QRSL1: variants seen among roughly 807,000 people sequenced by gnomAD.
QRSL1 encodes glutamyl-tRNA(Gln) amidotransferase subunit A, mitochondrial.
QRSL1 carries 54 observed loss-of-function variants against 61.6 expected under a neutral mutation model. That is an observed-to-expected ratio of 0.88 (90% CI 0.70 to 1.10). QRSL1 has a LOEUF of 1.10. QRSL1 is among the 50% of genes least tolerant of loss of function. The pLI, the probability that QRSL1 is intolerant of heterozygous loss-of-function variation, is 0.00. For missense variants in QRSL1, 505 were observed against 622.6 expected (o/e 0.81, Z 2.01); for synonymous variants, 228 against 225.7 (o/e 1.01, Z -0.09).
At position 106,667,623 on chromosome 6, in the gene QRSL1, G is replaced by C. The variant is rs1053317319; in HGVS notation, c.*1621G>C. The C allele has an allele frequency of 6.6e-6, 1 of 152,036 alleles. No homozygotes were observed. Among genetic ancestry groups the C allele is most frequent in the African/African-American group, 2.4e-5 (1 of 41,388 alleles). The allele number at this position is 152,036 out of a possible 1,614,324, so 9.4% of individuals were successfully genotyped here. A position where few individuals can be genotyped will look rare whatever the true frequency, so the allele number is the denominator to read the frequency against. On this transcript the variant is annotated 3_prime_UTR_variant, in exon 11 of 11. Transcript: ENST00000369046. ...TGCAGAACCACTGGAATGTTTCATC[G>C]TCACCTGTTAGTTTTCATAAACAGT...
intron 4 of QRSL1, among the ~76,000 whole-genome samples, chr6:106,647,460 C>T (rs969402964): frequency 6.7e-6 from 1 of 148,816 alleles, no homozygotes; most frequent in Admixed American, 6.7e-5. Context: ...ATGAGAATCG[C>T]TTGAACCTGG....
chr6:106,643,604 CG>C (rs1248346746), intron 4 of QRSL1, among the ~76,000 whole-genome samples: 2 of 151,136 alleles, frequency 1.3e-5, no homozygotes, highest in Non-Finnish European at 2.9e-5. Context: ...CGCTTGAACC[CG>C]GGAGGCGGAG....
In QRSL1 at chr6:106,654,907, G is replaced by C; in HGVS notation, c.1027G>C (p.Asp343His). 6.2e-7 allele frequency: 1 copy of C among 1,604,288 alleles called. No homozygotes were observed. The highest frequency in any genetic ancestry group is 8.5e-7 in the Non-Finnish European group (1 of 1,175,976). Residue 343 changes from aspartate to histidine, a missense_variant, in exon 8 of 11, where the codon GAT (aspartate) becomes CAT (histidine). Asp to His is a moderately conservative substitution (Grantham distance 81, BLOSUM62 -1). Transcript: ENST00000369046. ...SEVASNMARF[D>H]GLQYGHRCDI... ...AGTGGCATCGAATATGGCAAGATTT[G>C]ATGGGCTACAATATGGTAAGATGGC...
At chr6:106,632,265 T>A (rs1776847387) in intron 1 of QRSL1, among the ~76,000 whole-genome samples, 1 of 152,254 alleles carries the variant, frequency 6.6e-6, no homozygotes, top group African/African-American at 2.4e-5. Flanking sequence ...AGTGCTGCAA[T>A]AAACATGAGA....
chr6:106,644,921 C>T (rs540088763), intron 4 of QRSL1, among the ~76,000 whole-genome samples: 7 of 152,254 alleles, frequency 4.6e-5, no homozygotes, highest in African/African-American at 1.4e-4. Flanking sequence ...ATTAGATTTT[C>T]GTATATAGTA....
chr6:106,637,588 G>C (rs546229536), intron 1 of QRSL1, among the ~76,000 whole-genome samples: 1 of 152,284 alleles, frequency 6.6e-6, no homozygotes, highest in African/African-American at 2.4e-5. Context: ...GAGGAACAAG[G>C]AGATCATCTT....
At chr6:106,646,938 G>A (rs905645138) in intron 4 of QRSL1, among the ~76,000 whole-genome samples, 1 of 146,098 alleles carries the variant, frequency 6.8e-6, no homozygotes, top group Non-Finnish European at 1.5e-5. Flanking sequence ...TGAGGCAGGA[G>A]AATGGCATGA....
chr6:106,629,779 G>T, intron 1 of QRSL1, 74 bp downstream of exon 1: 2 of 1,546,298 alleles, frequency 1.3e-6, no homozygotes, highest in Non-Finnish European at 1.8e-6. Context: ...AAGAGTCCCT[G>T]GGCCTTACCA....
At chr6:106,661,891 A>G (rs1290303617) in intron 9 of QRSL1, among the ~76,000 whole-genome samples, 2 of 151,258 alleles carry the variant, frequency 1.3e-5, no homozygotes, top group Admixed American at 6.6e-5. Flanking sequence ...TGGTATTTTT[A>G]GTAGAGATGG....
intron 9 of QRSL1, among the ~76,000 whole-genome samples, chr6:106,661,671 A>G (rs1185285874): frequency 7.8e-5 from 11 of 140,324 alleles, no homozygotes; most frequent in Non-Finnish European, 4.6e-5. Context: ...CTGTTGTGGA[A>G]AAGAATGGTT....
chr6:106,645,023 G>T (rs962596778), intron 4 of QRSL1, among the ~76,000 whole-genome samples: 4 of 151,676 alleles, frequency 2.6e-5, no homozygotes, highest in Admixed American at 2.0e-4. Context: ...AATGATCTTA[G>T]GTTTTTTTGT....
Position 106,667,431 on chromosome 6 carries a change from A to G in QRSL1, c.*1429A>G, listed in dbSNP as rs1240770693. On this transcript the variant is annotated 3_prime_UTR_variant, in exon 11 of 11. Coordinates refer to ENST00000369046, the MANE Select transcript of QRSL1 (RefSeq NM_018292.5). ...ATCACTGGATTTCTGTGTCTTCACT[A>G]GAACACCATTGTCATCTCATATTGA... The G allele has an allele frequency of 6.6e-6, 1 of 152,256 alleles. No homozygotes were observed. The highest frequency in any genetic ancestry group is 1.5e-5 in the Non-Finnish European group (1 of 68,046). The allele number at this position is 152,256 out of a possible 1,614,324, so 9.4% of individuals were successfully genotyped here.
rs957270125 is a variant in QRSL1 at position 106,666,860 on chromosome 6, G to T, written c.*858G>T. ...AGGGCCCAGAATCATGCAAATCTCA[G>T]GGGTATGCCTCTCTGGGGAGGAGCT... is the stretch of plus-strand genomic sequence containing the variant. On this transcript the variant is annotated 3_prime_UTR_variant, in exon 11 of 11. Coordinates refer to ENST00000369046, the MANE Select transcript of QRSL1 (RefSeq NM_018292.5). 7 of 152,218 alleles carry T rather than the reference G, an allele frequency of 4.6e-5. No homozygotes were observed. The highest frequency in any genetic ancestry group is 1.3e-4 in the Admixed American group (2 of 15,280). 9.4% of individuals were successfully genotyped at this position (152,218 alleles called of 1,614,324 possible).
rs1238426270 is a variant in QRSL1 at position 106,666,632 on chromosome 6, GTAAC to G, written c.*634_*637del. On this transcript the variant is annotated 3_prime_UTR_variant, in exon 11 of 11. Transcript: ENST00000369046. ...AACTTCTCAAAAATTGTACATCTGTGTAACTAAAGCACTAACAAAAACATGAATA... is the reference window on the plus strand; with the variant it reads ...AACTTCTCAAAAATTGTACATCTGTGTAAAGCACTAACAAAAACATGAATA... The G allele has an allele frequency of 6.5e-6, 1 of 153,440 alleles. No individual in the cohort carries two copies. The highest frequency in any genetic ancestry group is 1.5e-5 in the Non-Finnish European group (1 of 68,918). 9.5% of individuals were successfully genotyped at this position (153,440 alleles called of 1,614,324 possible).
intron 4 of QRSL1, among the ~76,000 whole-genome samples, chr6:106,646,753 G>A (rs1219343658): frequency 6.6e-6 from 1 of 152,154 alleles, no homozygotes; most frequent in Non-Finnish European, 1.5e-5. Context: ...ACTTGGCCGG[G>A]CACGGTGGCT....
chr6:106,655,736 AG>A lies in QRSL1; in HGVS notation c.1160+5del. 1 of 1,545,652 alleles carries A rather than the reference AG, an allele frequency of 6.5e-7. No homozygotes were observed. The highest frequency in any genetic ancestry group is 8.9e-7 in the Non-Finnish European group (1 of 1,118,910). ...GAAACTTTTTCTTATTAAAAGAGTA[AG>A]ACAACTCATTTAGGAATTTTCTTCA... On this transcript the variant is annotated splice_donor_5th_base_variant and intron_variant, in intron 9 of 10. Transcript: ENST00000369046.
At chr6:106,661,647 TACTGTTGTGGAA>T (rs938666432) in intron 9 of QRSL1, among the ~76,000 whole-genome samples, 60 of 150,280 alleles carry the variant, frequency 4.0e-4, no homozygotes, top group African/African-American at 1.1e-3. Context: ...TATCCATTTT[TACTGTTGTGGAA>T]ACTGTTGTGG....
chr6:106,634,061 GTGGTCAGGGAAGATTTCTC>G (rs1776881460), intron 1 of QRSL1, among the ~76,000 whole-genome samples: 1 of 152,164 alleles, frequency 6.6e-6, no homozygotes, highest in Non-Finnish European at 1.5e-5. Context: ...TTTAGCTAGA[GTGGTCAGGGAAGATTTCTC>G]TGATTGAGTG....
At chr6:106,655,819 G>A (rs1777260739) in intron 9 of QRSL1, 87 bp downstream of exon 9, 2 of 827,780 alleles carry the variant, frequency 2.4e-6, no homozygotes, top group Admixed American at 2.2e-5. Context: ...AAGGTATTTA[G>A]TAAAGAAACA....
Sources: gnomAD v4.1 joint callset for allele counts (sites outside exome capture counted in the v4.1 genomes callset) on GRCh38, gnomAD v4.1.1 for gene constraint, MANE v1.5 for transcripts, NCBI Gene and HGNC (gene_info 2026-07-23, HGNC 2026-07-21) for gene names.